UNC5C: variants seen among roughly 807,000 people sequenced by gnomAD.
UNC5C encodes the protein unc-5 netrin receptor C, also known as netrin receptor UNC5C.
In UNC5C, 47 loss-of-function variants were observed where a neutral mutation model predicts 99.8. The observed-to-expected ratio is 0.47, with a 90% confidence interval of 0.37 to 0.60. The LOEUF is 0.60. Among genes scored for constraint, UNC5C ranks in the 20% least tolerant of loss-of-function variants. The pLI, the probability that UNC5C is intolerant of heterozygous loss-of-function variation, is 0.00. For synonymous variants in UNC5C, 487 were observed against 452.2 expected, an observed-to-expected ratio of 1.08 and a Z score of -0.98; for missense variants, 1,062 against 1,165.9, an observed-to-expected ratio of 0.91 and a Z score of 1.30.
intron 4 of UNC5C, among the ~76,000 whole-genome samples, chr4:95,252,245 A>C (rs1335306887): frequency 6.6e-6 from 1 of 152,170 alleles, no homozygotes; most frequent in African/African-American, 2.4e-5. Context: ...TGATAATTAA[A>C]AGTTGAAATT....
intron 1 of UNC5C, among the ~76,000 whole-genome samples, chr4:95,502,406 C>T (rs1403179816): frequency 6.6e-6 from 1 of 152,052 alleles, no homozygotes; most frequent in Non-Finnish European, 1.5e-5. Flanking sequence ...GCAGCTGGGA[C>T]AACAGTTGCA....
At chr4:95,206,891 C>A in intron 10 of UNC5C, 95 bp from the exon 11 acceptor site, 87 of 897,884 alleles carry the variant, frequency 9.7e-5, no homozygotes, top group Non-Finnish European at 1.2e-4. Context: ...AAGTAGTTTT[C>A]TCCTGGAATT....
chr4:95,281,800 T>C (rs11097462), intron 3 of UNC5C, among the ~76,000 whole-genome samples: 102,645 of 152,072 alleles, frequency 0.67, 35,675 homozygotes, highest in African/African-American at 0.85. Context: ...CTGAAAAGTA[T>C]AGTAGTCTAG....
At chr4:95,186,567 C>T (rs1195376654) in intron 12 of UNC5C, among the ~76,000 whole-genome samples, 1 of 152,202 alleles carries the variant, frequency 6.6e-6, no homozygotes, top group Non-Finnish European at 1.5e-5. Context: ...TATCTGTCAT[C>T]TTTTGGTGAG....
intron 1 of UNC5C, among the ~76,000 whole-genome samples, chr4:95,363,264 T>C (rs1744451680): frequency 6.6e-6 from 1 of 152,192 alleles, no homozygotes; most frequent in Admixed American, 6.5e-5. Flanking sequence ...TGATCTCACT[T>C]GGCTGTGCTA....
chr4:95,424,418 T>TTGAAG (rs985476775), intron 1 of UNC5C, among the ~76,000 whole-genome samples: 1 of 152,002 alleles, frequency 6.6e-6, no homozygotes, highest in African/African-American at 2.4e-5. Context: ...TTCATATATA[T>TTGAAG]TGAAGTGCTC....
intron 14 of UNC5C, among the ~76,000 whole-genome samples, chr4:95,178,633 C>A (rs766893059): frequency 2.0e-5 from 3 of 152,188 alleles, no homozygotes; most frequent in Admixed American, 6.5e-5. Context: ...GAAGCCCACC[C>A]ATAGACTAGG....
intron 1 of UNC5C, among the ~76,000 whole-genome samples, chr4:95,479,114 T>C (rs2149477057): frequency 6.6e-6 from 1 of 152,122 alleles, no homozygotes; most frequent in Middle Eastern, 3.4e-3. Context: ...GGTACTCCTT[T>C]ATGGAAAAAC....
At position 95,212,244 on chromosome 4, in the gene UNC5C, C is replaced by A. The variant is rs79014750; in HGVS notation, c.1733+3880G>T. Among the ~76,000 whole-genome samples, 378 of 152,140 alleles carry A rather than the reference C, an allele frequency of 2.5e-3. 3 individuals carry two copies. The highest frequency in any genetic ancestry group is 8.5e-3 in the African/African-American group (351 of 41,514). ...ATTCCACCAATTAAAAAAAAAAGTTCTGAACACCACTAATGCCCCACAGTT... is the reference window on the plus strand; with the variant it reads ...ATTCCACCAATTAAAAAAAAAAGTTATGAACACCACTAATGCCCCACAGTT... On this transcript the variant is annotated intron_variant, in intron 10 of 15. Coordinates refer to ENST00000453304, the MANE Select transcript of UNC5C (RefSeq NM_003728.4).
intron 2 of UNC5C, among the ~76,000 whole-genome samples, chr4:95,326,236 T>C (rs1284219113): frequency 2.0e-5 from 3 of 149,776 alleles, no homozygotes; most frequent in Non-Finnish European, 4.4e-5. Context: ...TGTGTTGACC[T>C]TATTGATATT....
intron 3 of UNC5C, among the ~76,000 whole-genome samples, chr4:95,298,910 A>G (rs1029400083): frequency 3.3e-5 from 5 of 152,226 alleles, no homozygotes; most frequent in Non-Finnish European, 5.9e-5. Context: ...ATGCTTCAGC[A>G]TGAAGAATAG....
At chr4:95,424,518 C>CTTTTTT (rs536039867) in intron 1 of UNC5C, among the ~76,000 whole-genome samples, 1,305 of 67,830 alleles carry the variant, frequency 0.019, 22 homozygotes, top group Middle Eastern at 0.026. Flanking sequence ...TTTTTCTTTT[C>CTTTTTT]TTTTTTTTTT....
At chr4:95,286,496 G>T (rs7681527) in intron 3 of UNC5C, among the ~76,000 whole-genome samples, 100,125 of 152,090 alleles carry the variant, frequency 0.66, 33,945 homozygotes, top group African/African-American at 0.83. Context: ...GCTTCTGCAC[G>T]GTGGCTCTAA....
intron 15 of UNC5C, 142 bp from the exon 16 acceptor site, chr4:95,169,541 C>T (rs767016338): frequency 4.3e-5 from 38 of 885,106 alleles, no homozygotes; most frequent in Non-Finnish European, 6.3e-5. Context: ...AAATAACTAG[C>T]CCATGCTTAA....
chr4:95,192,582 CCTCACCTT>C (rs1336810066), intron 12 of UNC5C, among the ~76,000 whole-genome samples: 3 of 147,408 alleles, frequency 2.0e-5, no homozygotes, highest in Non-Finnish European at 4.5e-5. Context: ...CTGCTCACCT[CCTCACCTT>C]CTCACCTCCT....
intron 12 of UNC5C, among the ~76,000 whole-genome samples, chr4:95,195,014 C>T (rs1162908680): frequency 6.6e-6 from 1 of 152,126 alleles, no homozygotes; most frequent in Admixed American, 6.5e-5. Context: ...ATCAACCAGA[C>T]CGCTACCAAA....
intron 7 of UNC5C, among the ~76,000 whole-genome samples, chr4:95,239,068 C>T: frequency 6.6e-6 from 1 of 152,142 alleles, no homozygotes; most frequent in Non-Finnish European, 1.5e-5. Context: ...CTGACTCTCC[C>T]TTACAGTGGA....
chr4:95,262,023 T>C (rs944915508), intron 4 of UNC5C, among the ~76,000 whole-genome samples: 1 of 152,192 alleles, frequency 6.6e-6, no homozygotes, highest in Non-Finnish European at 1.5e-5. Flanking sequence ...TTATAACTAA[T>C]ATCTCTAAGA....
intron 1 of UNC5C, among the ~76,000 whole-genome samples, chr4:95,347,206 A>T (rs1301846038): frequency 2.0e-5 from 3 of 152,048 alleles, no homozygotes; most frequent in Non-Finnish European, 4.4e-5. Flanking sequence ...TTAATTAAAG[A>T]AGTGAAATAT....
Sources: allele counts gnomAD v4.1 joint callset (sites outside exome capture counted in the v4.1 genomes callset), GRCh38; gene constraint gnomAD v4.1.1; transcripts MANE v1.5; gene names NCBI Gene and HGNC (gene_info 2026-07-23, HGNC 2026-07-21).